SPOCK3: variants seen among roughly 807,000 people sequenced by gnomAD.
The protein encoded by SPOCK3 is SPARC (osteonectin), cwcv and kazal like domains proteoglycan 3, also known as testican-3.
In SPOCK3, 30 loss-of-function variants were observed where a neutral mutation model predicts 56.6. The observed-to-expected ratio is 0.53, with a 90% CI of 0.40 to 0.72. The LOEUF (loss-of-function observed/expected upper bound fraction) is 0.72. Ranked by LOEUF, SPOCK3 falls within the 30% of genes least tolerant of loss-of-function variation. SPOCK3 has a pLI of 0.00. For synonymous variants in SPOCK3, 196 were observed against 183.3 expected (o/e 1.07, Z -0.56); for missense variants, 527 against 530.0 (o/e 0.99, Z 0.06).
chr4:167,176,380 G>C (rs899453894), intron 2 of SPOCK3, among the ~76,000 whole-genome samples: 1 of 152,060 alleles, frequency 6.6e-6, no homozygotes, highest in Non-Finnish European at 1.5e-5. Context: ...AGCTAAGCAC[G>C]TTACCTTAAG....
At chr4:166,876,876 A>T (rs766040363) in intron 6 of SPOCK3, among the ~76,000 whole-genome samples, 1 of 152,154 alleles carries the variant, frequency 6.6e-6, no homozygotes, top group South Asian at 2.1e-4. Context: ...ACAAGAAAAA[A>T]GTTTACATTT....
chr4:167,026,820 GTTT>G (rs529088799), intron 3 of SPOCK3, among the ~76,000 whole-genome samples: 1 of 132,552 alleles, frequency 7.5e-6, no homozygotes, highest in Non-Finnish European at 1.6e-5. Context: ...GGCATTTGAA[GTTT>G]TTTTTTTTTT....
chr4:166,882,291 A>G (rs1381837878), intron 6 of SPOCK3, among the ~76,000 whole-genome samples: 1 of 152,182 alleles, frequency 6.6e-6, no homozygotes, highest in African/African-American at 2.4e-5. Context: ...GATCTCAGGA[A>G]AAGAGTTCAC....
chr4:166,771,711 G>A lies in SPOCK3; in HGVS notation c.710-16982C>T, dbSNP rs574679015. Among the ~76,000 whole-genome samples, 3 of 152,146 alleles carry A rather than the reference G, an allele frequency of 2.0e-5. No individual in the cohort carries two copies. In the East Asian group the frequency reaches 5.8e-4, roughly 29 times the overall value. On this transcript the variant is annotated intron_variant, in intron 7 of 10. Coordinates refer to ENST00000357545, the MANE Select transcript of SPOCK3 (RefSeq NM_001040159.2). ...ATTCTTTTATATTGATATATGAATT[G>A]TGGAATAAGCTTTCCTCAAATAGAG...
intron 8 of SPOCK3, among the ~76,000 whole-genome samples, chr4:166,742,695 A>T (rs550659595): frequency 3.6e-4 from 55 of 152,258 alleles, no homozygotes; most frequent in African/African-American, 1.3e-3. Context: ...ATAATATAAA[A>T]TTATTTCTGA....
Position 166,903,761 on chromosome 4 carries a change from C to T in SPOCK3, c.474+8859G>A, listed in dbSNP as rs75587703. 8.8e-3 allele frequency among the ~76,000 whole-genome samples: 1,340 copies of T among 152,034 alleles called. 6 individuals are homozygous for T. Among genetic ancestry groups the T allele is most frequent in the Non-Finnish European group, 0.013 (891 of 67,966 alleles). ...TACAAAAACATACTTAATCCACTGTCAATTCACATAACAAGACTAATTTTC... is the reference window on the plus strand; with the variant it reads ...TACAAAAACATACTTAATCCACTGTTAATTCACATAACAAGACTAATTTTC... On this transcript the variant is annotated intron_variant, in intron 5 of 10. Transcript: ENST00000357545.
At chr4:166,986,457 C>G (rs1227035778) in intron 4 of SPOCK3, among the ~76,000 whole-genome samples, 4 of 152,168 alleles carry the variant, frequency 2.6e-5, no homozygotes, top group Non-Finnish European at 5.9e-5. Context: ...ATTGCCTTGT[C>G]ACGGTGTCCC....
intron 2 of SPOCK3, among the ~76,000 whole-genome samples, chr4:167,205,475 TATATATAATATATAATATATA>T (rs1170820347): frequency 1.9e-5 from 1 of 52,120 alleles, no homozygotes; most frequent in Non-Finnish European, 3.2e-5. Context: ...GAATTTATTT[TATATATAATATATAATATATA>T]ATATATATTA....
intron 2 of SPOCK3, among the ~76,000 whole-genome samples, chr4:167,205,496 AATATATATTATATAATATATATT>A (rs1734149403): frequency 1.8e-5 from 1 of 56,530 alleles, no homozygotes; most frequent in African/African-American, 7.7e-5. Flanking sequence ...TATAATATAT[AATATATATTATATAATATATATT>A]ATATATATTA....
At chr4:167,064,639 A>G (rs1229268794) in intron 2 of SPOCK3, among the ~76,000 whole-genome samples, 2 of 151,782 alleles carry the variant, frequency 1.3e-5, no homozygotes, top group African/African-American at 4.8e-5. Context: ...CAGAACAGAA[A>G]GCTAGACATG....
rs1737528205 is a variant in SPOCK3, at chr4:167,234,468, T to C, written c.-19A>G. On this transcript the variant is annotated 5_prime_UTR_variant, in exon 1 of 11. Coordinates refer to ENST00000357545, the MANE Select transcript of SPOCK3 (RefSeq NM_001040159.2). Reference sequence around the variant, plus strand: ...ACATCACCTTGTTGTGAGCCAGCACTGTGCTCGCAGCTCCTGCTGGAAATG... The same window carrying C: ...ACATCACCTTGTTGTGAGCCAGCACCGTGCTCGCAGCTCCTGCTGGAAATG... 6.9e-6 allele frequency: 3 copies of C among 436,892 alleles called. No homozygotes were observed. Among genetic ancestry groups the C allele is most frequent in the East Asian group, 7.5e-5 (2 of 26,802 alleles). 27.1% of individuals were successfully genotyped at this position (436,892 alleles called of 1,614,324 possible).
chr4:166,735,018 T>C lies in SPOCK3; in HGVS notation c.1205A>G (p.Glu402Gly). Residue 402 changes from glutamate to glycine, a missense_variant, in exon 11 of 11, where the codon GAA becomes GGA. Physicochemically the swap from Glu to Gly is moderately conservative, Grantham distance 98. Coordinates refer to ENST00000357545, the MANE Select transcript of SPOCK3 (RefSeq NM_001040159.2). ...ATCTTCATCATTCATAATATCGTCT[T>C]CATCATCCTCATCATCAGTCCATTC... ...FHEWTDDEDD[E>G]DDIMNDEDEI... The C allele has an allele frequency of 6.4e-7, 1 of 1,571,480 alleles. No homozygotes were observed. The highest frequency in any genetic ancestry group is 8.8e-7 in the Non-Finnish European group (1 of 1,142,186).
chr4:166,750,375 G>C (rs1188129552), intron 8 of SPOCK3, among the ~76,000 whole-genome samples: 1 of 152,106 alleles, frequency 6.6e-6, no homozygotes, highest in Admixed American at 6.6e-5. Context: ...GCTTAGGGTA[G>C]AGACATGGAT....
intron 2 of SPOCK3, among the ~76,000 whole-genome samples, chr4:167,218,261 A>C (rs959006159): frequency 1.3e-5 from 2 of 152,148 alleles, no homozygotes; most frequent in South Asian, 4.1e-4. Context: ...AGTGTCTGAG[A>C]TCCCCAGTAA....
At chr4:166,803,942 G>A (rs1439059901) in intron 6 of SPOCK3, among the ~76,000 whole-genome samples, 1 of 152,068 alleles carries the variant, frequency 6.6e-6, no homozygotes, top group Non-Finnish European at 1.5e-5. Flanking sequence ...AACTTTAATA[G>A]CTACCCTATA....
At chr4:167,196,471 C>T (rs372478634) in intron 2 of SPOCK3, among the ~76,000 whole-genome samples, 20 of 152,134 alleles carry the variant, frequency 1.3e-4, no homozygotes, top group African/African-American at 4.8e-4. Context: ...TTTCAAATGG[C>T]TGTAATCAAG....
intron 3 of SPOCK3, among the ~76,000 whole-genome samples, chr4:167,026,890 C>T (rs1383701943): frequency 7.0e-6 from 1 of 142,430 alleles, no homozygotes; most frequent in East Asian, 2.3e-4. Flanking sequence ...CTTCCTAAAA[C>T]GTGACATTTT....
chr4:166,932,727 G>A (rs974787775), intron 4 of SPOCK3, among the ~76,000 whole-genome samples: 2 of 152,092 alleles, frequency 1.3e-5, no homozygotes, highest in African/African-American at 4.8e-5. Flanking sequence ...TTGATCTATG[G>A]ATGGATGCAC....
intron 6 of SPOCK3, among the ~76,000 whole-genome samples, chr4:166,796,348 C>T (rs944057329): frequency 6.6e-6 from 1 of 152,042 alleles, no homozygotes; most frequent in African/African-American, 2.4e-5. Flanking sequence ...GATGAAAATA[C>T]AGAGGTCCAA....
Sources: allele counts gnomAD v4.1 joint callset (sites outside exome capture counted in the v4.1 genomes callset), GRCh38; gene constraint gnomAD v4.1.1; transcripts MANE v1.5; gene names NCBI Gene and HGNC (gene_info 2026-07-23, HGNC 2026-07-21).